Variants in CSGALNACT1 observed in about 807,000 individuals in gnomAD.
The protein encoded by CSGALNACT1 is chondroitin sulfate N-acetylgalactosaminyltransferase 1, also known as beta4GalNAcT-1.
A neutral mutation model predicts 51.0 loss-of-function variants in CSGALNACT1; 52 were observed. The ratio of observed to expected loss-of-function variants is 1.02; its 90% confidence interval spans 0.82 to 1.29. The LOEUF (loss-of-function observed/expected upper bound fraction) is 1.29. Ranked by LOEUF, CSGALNACT1 falls within the 50% of genes most tolerant of loss-of-function variation. CSGALNACT1 has a pLI of 0.00. For synonymous variants in CSGALNACT1, 341 were observed against 254.4 expected (o/e 1.34, Z -3.24); for missense variants, 935 against 679.2 (o/e 1.38, Z -4.19).
chr8:19,412,997 T>G (rs1240282686), intron 8 of CSGALNACT1, among the ~76,000 whole-genome samples: 1 of 152,182 alleles, frequency 6.6e-6, no homozygotes, highest in Non-Finnish European at 1.5e-5. Context: ...AAAACAATTC[T>G]AAGACTCCGG....
At chr8:19,500,424 A>T (rs2153984392) in intron 4 of CSGALNACT1, among the ~76,000 whole-genome samples, 1 of 150,284 alleles carries the variant, frequency 6.7e-6, no homozygotes, top group South Asian at 2.1e-4. Flanking sequence ...ATGCACCTGA[A>T]AGGCTGTCTT....
chr8:19,552,738 G>A (rs1237099103), intron 3 of CSGALNACT1, among the ~76,000 whole-genome samples: 3 of 152,190 alleles, frequency 2.0e-5, no homozygotes, highest in Non-Finnish European at 4.4e-5. Context: ...CTGTTAAAAA[G>A]TATTAGTTTC....
Position 19,654,083 on chromosome 8 carries a change from T to C in CSGALNACT1, c.-544+28390A>G, listed in dbSNP as rs2058058853. ...GTGCCCACTGCATGAAAAGCTGCCT[T>C]ATTCAATCATCACTGAAAACACACG... On this transcript the variant is annotated intron_variant, in intron 1 of 9. Transcript: ENST00000332246. Among the ~76,000 whole-genome samples, 2 of 152,166 alleles carry C rather than the reference T, an allele frequency of 1.3e-5. 1 individual carries two copies. The highest frequency in any genetic ancestry group is 2.9e-5 in the Non-Finnish European group (2 of 68,024).
At chr8:19,614,071 A>T (rs1227317580) in intron 1 of CSGALNACT1, among the ~76,000 whole-genome samples, 1 of 152,184 alleles carries the variant, frequency 6.6e-6, no homozygotes. Context: ...TAATCTACTA[A>T]AAGAATGATG....
chr8:19,630,357 C>T (rs1042220581), intron 1 of CSGALNACT1, among the ~76,000 whole-genome samples: 16 of 152,026 alleles, frequency 1.1e-4, no homozygotes, highest in Non-Finnish European at 2.1e-4. Context: ...CAATTTTAGA[C>T]TTACAGGAGA....
At chr8:19,464,031 G>GC (rs1218931692) in intron 4 of CSGALNACT1, among the ~76,000 whole-genome samples, 1 of 152,126 alleles carries the variant, frequency 6.6e-6, no homozygotes, top group Non-Finnish European at 1.5e-5. Flanking sequence ...CAGATTCCCC[G>GC]CCCCCACTGA....
intron 4 of CSGALNACT1, among the ~76,000 whole-genome samples, chr8:19,469,092 T>G (rs1444830154): frequency 6.6e-6 from 1 of 151,980 alleles, no homozygotes; most frequent in African/African-American, 2.4e-5. Context: ...AAGATAAGGA[T>G]GAAATTGGCC....
chr8:19,614,610 C>T (rs1013222498), intron 1 of CSGALNACT1, among the ~76,000 whole-genome samples: 1 of 152,084 alleles, frequency 6.6e-6, no homozygotes, highest in Non-Finnish European at 1.5e-5. Context: ...AGGATATTTT[C>T]TTTTTCAACA....
chr8:19,681,481 C>T (rs1487067019), intron 1 of CSGALNACT1, among the ~76,000 whole-genome samples: 1 of 152,104 alleles, frequency 6.6e-6, no homozygotes, highest in Admixed American at 6.6e-5. Flanking sequence ...GAACTGGGGA[C>T]CTAGGGACCT....
At chr8:19,468,537 A>G (rs1474819792) in intron 4 of CSGALNACT1, among the ~76,000 whole-genome samples, 1 of 152,140 alleles carries the variant, frequency 6.6e-6, no homozygotes, top group Admixed American at 6.6e-5. Context: ...GCGCAGGTGG[A>G]TGATGGCAGG....
chr8:19,632,566 T>G, intron 1 of CSGALNACT1, among the ~76,000 whole-genome samples: 1 of 152,266 alleles, frequency 6.6e-6, no homozygotes, highest in East Asian at 1.9e-4. Context: ...TTTAATTACT[T>G]CTGTTCTTAA....
chr8:19,512,201 G>A (rs1009729939), intron 3 of CSGALNACT1, among the ~76,000 whole-genome samples: 2 of 152,198 alleles, frequency 1.3e-5, no homozygotes, highest in Non-Finnish European at 2.9e-5. Flanking sequence ...GCAGCCTTGT[G>A]GAGGGGCCCA....
At chr8:19,441,416 A>G (rs989461849) in intron 5 of CSGALNACT1, among the ~76,000 whole-genome samples, 29 of 152,240 alleles carry the variant, frequency 1.9e-4, no homozygotes, top group African/African-American at 2.7e-4. Context: ...ATAATGCAGC[A>G]TATCTACAAC....
intron 1 of CSGALNACT1, among the ~76,000 whole-genome samples, chr8:19,628,856 G>T (rs571253023): frequency 2.6e-5 from 4 of 151,972 alleles, no homozygotes; most frequent in Non-Finnish European, 4.4e-5. Flanking sequence ...TCAACAATAT[G>T]GGGGGAGGAA....
chr8:19,508,129 G>A (rs1047572084), intron 3 of CSGALNACT1, among the ~76,000 whole-genome samples: 2 of 152,182 alleles, frequency 1.3e-5, no homozygotes, highest in South Asian at 2.1e-4. Context: ...CCTATTTACC[G>A]ATGAGAAGAA....
chr8:19,675,591 CA>C (rs2060117269), intron 1 of CSGALNACT1, among the ~76,000 whole-genome samples: 1 of 152,112 alleles, frequency 6.6e-6, no homozygotes, highest in South Asian at 2.1e-4. Context: ...CTCCTGAGTT[CA>C]AGTGATTCTC....
intron 5 of CSGALNACT1, among the ~76,000 whole-genome samples, chr8:19,448,544 G>A (rs1399395601): frequency 6.6e-6 from 1 of 152,118 alleles, no homozygotes; most frequent in African/African-American, 2.4e-5. Flanking sequence ...AATAACCACG[G>A]TAACAGAGGT....
chr8:19,572,596 T>A (rs1006936790), intron 3 of CSGALNACT1, among the ~76,000 whole-genome samples: 8 of 152,216 alleles, frequency 5.3e-5, no homozygotes, highest in African/African-American at 1.9e-4. Flanking sequence ...GCAACTACAA[T>A]AAATTATTCT....
At chr8:19,618,324 C>T (rs1334016727) in intron 1 of CSGALNACT1, among the ~76,000 whole-genome samples, 4 of 152,058 alleles carry the variant, frequency 2.6e-5, no homozygotes, top group African/African-American at 4.8e-5. Flanking sequence ...GACTGTAGGG[C>T]TGGCATGCAT....
Sources: gnomAD v4.1 joint callset for allele counts (sites outside exome capture counted in the v4.1 genomes callset) on GRCh38, gnomAD v4.1.1 for gene constraint, MANE v1.5 for transcripts, NCBI Gene and HGNC (gene_info 2026-07-23, HGNC 2026-07-21) for gene names.